The following DACH1 variants were observed in gnomAD, a reference collection of about 807,000 sequenced individuals.
The protein encoded by DACH1 is dachshund homolog 1.
A neutral mutation model predicts 54.2 loss-of-function variants in DACH1; 12 were observed. The ratio of observed to expected loss-of-function variants is 0.22; its 90% CI spans 0.14 to 0.36. DACH1 has a LOEUF of 0.36. Among genes scored for constraint, DACH1 ranks in the 10% least tolerant of loss-of-function variants. The pLI is 1.00. For synonymous variants in DACH1, 386 were observed against 366.2 expected (o/e 1.05, Z -0.62); for missense variants, 805 against 929.8 (o/e 0.87, Z 1.75).
intron 1 of DACH1, among the ~76,000 whole-genome samples, chr13:71,688,284 C>G (rs894748722): frequency 4.6e-5 from 7 of 152,196 alleles, no homozygotes; most frequent in African/African-American, 1.4e-4. Flanking sequence ...AAAGAAGCGG[C>G]TGATTTGGAA....
At chr13:71,760,676 C>A (rs1261716315) in intron 1 of DACH1, among the ~76,000 whole-genome samples, 2 of 152,182 alleles carry the variant, frequency 1.3e-5, no homozygotes, top group Non-Finnish European at 2.9e-5. Flanking sequence ...TATTTATGAA[C>A]TCAAGGGTGT....
chr13:71,516,360 G>A lies in DACH1; in HGVS notation c.1571-27212C>T, dbSNP rs80030267. ...TCCTTTTATTTTTTTTTCTAAAGGCGTCTAATTAGCAGAAAGAGGGTCTCA... is the reference window on the plus strand; with the variant it reads ...TCCTTTTATTTTTTTTTCTAAAGGCATCTAATTAGCAGAAAGAGGGTCTCA... On this transcript the variant is annotated intron_variant, in intron 6 of 10. Transcript: ENST00000613252. Among the ~76,000 whole-genome samples the A allele has an allele frequency of 8.3e-4, 125 of 151,154 alleles. 1 individual carries two copies. The East Asian group carries it at 0.021, about 25-fold the overall frequency.
intron 1 of DACH1, among the ~76,000 whole-genome samples, chr13:71,691,627 A>C (rs2138724209): frequency 6.6e-6 from 1 of 152,298 alleles, no homozygotes; most frequent in Middle Eastern, 3.4e-3. Context: ...TCAGGTTGTG[A>C]ACCATGGCAA....
intron 1 of DACH1, among the ~76,000 whole-genome samples, chr13:71,733,159 G>GT (rs1298691868): frequency 2.6e-5 from 4 of 152,198 alleles, no homozygotes; most frequent in Admixed American, 2.0e-4. Flanking sequence ...CTATTTGGGG[G>GT]TTTTTTGGTT....
At chr13:71,599,851 A>ACACACG (rs1329683515) in intron 3 of DACH1, among the ~76,000 whole-genome samples, 21 of 151,312 alleles carry the variant, frequency 1.4e-4, no homozygotes, top group Non-Finnish European at 2.4e-4. Flanking sequence ...ACACACACAC[A>ACACACG]CACGCACACA....
At chr13:71,712,376 C>T (rs1164382472) in intron 1 of DACH1, among the ~76,000 whole-genome samples, 1 of 151,878 alleles carries the variant, frequency 6.6e-6, no homozygotes, top group Non-Finnish European at 1.5e-5. Flanking sequence ...AGATAACATA[C>T]ATATTATGGG....
intron 1 of DACH1, among the ~76,000 whole-genome samples, chr13:71,837,017 T>TAC (rs1419513411): frequency 2.0e-5 from 3 of 150,142 alleles, no homozygotes; most frequent in African/African-American, 7.4e-5. Flanking sequence ...CACACACACA[T>TAC]ACACACACAC....
At chr13:71,665,703 A>C (rs1007116132) in intron 2 of DACH1, among the ~76,000 whole-genome samples, 3 of 152,074 alleles carry the variant, frequency 2.0e-5, no homozygotes, top group African/African-American at 7.2e-5. Flanking sequence ...TTCATCTAAC[A>C]ATTTTTTATC....
chr13:71,630,406 A>G (rs1877002493), intron 3 of DACH1, 150 bp downstream of exon 3: 2 of 1,203,452 alleles, frequency 1.7e-6, no homozygotes, highest in Non-Finnish European at 2.2e-6. Flanking sequence ...GTTGTTAGAG[A>G]GGCAAAATGG....
intron 1 of DACH1, among the ~76,000 whole-genome samples, chr13:71,779,110 T>TACGTATATAC (rs1555321948): frequency 7.1e-5 from 9 of 127,632 alleles, no homozygotes; most frequent in Non-Finnish European, 1.3e-4. Context: ...TATATATATA[T>TACGTATATAC]ACATATATAC....
At chr13:71,732,276 TC>T (rs1952904696) in intron 1 of DACH1, among the ~76,000 whole-genome samples, 1 of 151,964 alleles carries the variant, frequency 6.6e-6, no homozygotes, top group Admixed American at 6.6e-5. Flanking sequence ...TAATTACCTC[TC>T]CTTTTTGCCT....
chr13:71,700,704 G>GA (rs1224043127), intron 1 of DACH1, among the ~76,000 whole-genome samples: 2 of 152,002 alleles, frequency 1.3e-5, no homozygotes. Context: ...GGACAGCCCT[G>GA]AATGCACAGA....
At chr13:71,767,012 A>C (rs1009250402) in intron 1 of DACH1, among the ~76,000 whole-genome samples, 85 of 152,224 alleles carry the variant, frequency 5.6e-4, no homozygotes, top group Middle Eastern at 3.4e-3. Flanking sequence ...CCTCAGAAAA[A>C]GGTGACTTTA....
intron 1 of DACH1, among the ~76,000 whole-genome samples, chr13:71,820,223 C>G (rs774753536): frequency 6.6e-6 from 1 of 151,814 alleles, no homozygotes; most frequent in Non-Finnish European, 1.5e-5. Flanking sequence ...ATCTACTGCA[C>G]TGCCCGAGAG....
intron 10 of DACH1, among the ~76,000 whole-genome samples, chr13:71,450,953 C>A (rs1384573081): frequency 1.3e-5 from 2 of 152,068 alleles, no homozygotes; most frequent in Non-Finnish European, 2.9e-5. Context: ...AATCTGCATC[C>A]TGTGATTCTA....
intron 4 of DACH1, among the ~76,000 whole-genome samples, chr13:71,567,117 A>G (rs989308984): frequency 2.0e-5 from 3 of 152,190 alleles, no homozygotes; most frequent in Admixed American, 2.0e-4. Flanking sequence ...TTAAATGAGA[A>G]TGTCACAAAG....
intron 10 of DACH1, among the ~76,000 whole-genome samples, chr13:71,452,015 A>G (rs1436529214): frequency 6.6e-6 from 1 of 152,222 alleles, no homozygotes; most frequent in Non-Finnish European, 1.5e-5. Context: ...AAATGCTAAA[A>G]CACATGGAGG....
At chr13:71,618,504 C>A (rs1875955229) in intron 3 of DACH1, among the ~76,000 whole-genome samples, 1 of 151,746 alleles carries the variant, frequency 6.6e-6, no homozygotes, top group Non-Finnish European at 1.5e-5. Context: ...TACTTTTTTC[C>A]TTGTTGTGCA....
At chr13:71,618,804 A>T (rs1239982351) in intron 3 of DACH1, among the ~76,000 whole-genome samples, 1 of 151,896 alleles carries the variant, frequency 6.6e-6, no homozygotes, top group Non-Finnish European at 1.5e-5. Context: ...TAAATGCTTT[A>T]TTGATGATCC....
Sources: gnomAD v4.1 joint callset for allele counts (sites outside exome capture counted in the v4.1 genomes callset) on GRCh38, gnomAD v4.1.1 for gene constraint, MANE v1.5 for transcripts, NCBI Gene and HGNC (gene_info 2026-07-23, HGNC 2026-07-21) for gene names.